TMOD3: variants seen among roughly 807,000 people sequenced by gnomAD.
The protein encoded by TMOD3 is tropomodulin 3, also known as tropomodulin-3.
A neutral mutation model predicts 39.2 loss-of-function variants in TMOD3; 20 were observed. The observed-to-expected ratio is 0.51, with a 90% CI of 0.36 to 0.74. The LOEUF (loss-of-function observed/expected upper bound fraction) is 0.74, where lower values mean the gene tolerates loss of function less well. Ranked by LOEUF, TMOD3 falls within the 30% of genes least tolerant of loss-of-function variation. The pLI, the probability that TMOD3 is intolerant of heterozygous loss-of-function variation, is 0.00. For synonymous variants in TMOD3, 143 were observed against 145.8 expected, an observed-to-expected ratio of 0.98 and a Z score of 0.14; for missense variants, 381 against 412.8, an observed-to-expected ratio of 0.92 and a Z score of 0.67.
At chr15:51,855,440 GA>G (rs1171936565) in intron 1 of TMOD3, among the ~76,000 whole-genome samples, 1 of 152,184 alleles carries the variant, frequency 6.6e-6, no homozygotes, top group African/African-American at 2.4e-5. Flanking sequence ...AGTTAAGAAG[GA>G]AAATAGTCTG....
chr15:51,902,072 T>C (rs2056653682), intron 9 of TMOD3, 36 bp downstream of exon 9: 2 of 1,607,822 alleles, frequency 1.2e-6, no homozygotes, highest in Non-Finnish European at 1.7e-6. Context: ...CTGAGTTCTA[T>C]CACAAGCTAA....
intron 6 of TMOD3, among the ~76,000 whole-genome samples, chr15:51,894,777 AGACAT>A (rs549557971): frequency 6.1e-4 from 93 of 152,298 alleles, no homozygotes; most frequent in African/African-American, 2.0e-3. Flanking sequence ...ATCAGTTGGA[AGACAT>A]ATGGGTTCCT....
chr15:51,844,007 A>G (rs1217125718), intron 1 of TMOD3, among the ~76,000 whole-genome samples: 1 of 151,936 alleles, frequency 6.6e-6, no homozygotes, highest in East Asian at 1.9e-4. Context: ...TGTGGCATGC[A>G]TAATTCTAAA....
At chr15:51,867,610 T>C (rs1431217718) in intron 2 of TMOD3, among the ~76,000 whole-genome samples, 2 of 152,242 alleles carry the variant, frequency 1.3e-5, no homozygotes, top group East Asian at 3.8e-4. Context: ...CTATTACTAT[T>C]GCCCATATAA....
intron 5 of TMOD3, among the ~76,000 whole-genome samples, chr15:51,893,099 C>A (rs923694057): frequency 1.3e-5 from 2 of 151,342 alleles, no homozygotes; most frequent in Non-Finnish European, 2.9e-5. Context: ...AGTTCAAGAC[C>A]AACCTGGCCA....
chr15:51,896,503 C>G lies in TMOD3; in HGVS notation c.712C>G (p.Arg238Gly). The G allele has an allele frequency of 1.2e-6, 2 of 1,613,670 alleles. No individual in the cohort carries two copies. The highest frequency in any genetic ancestry group is 1.7e-6 in the Non-Finnish European group (2 of 1,179,726). The change falls in exon 7 of 10, where the codon CGG becomes GGG. Residue 238 changes from arginine to glycine, a missense_variant. Arg to Gly is a moderately radical substitution (Grantham distance 125). Coordinates refer to ENST00000308580, the MANE Select transcript of TMOD3 (RefSeq NM_014547.5). ...GAAATGTTTCAGTCTTGCAGCCACC[C>G]GGAGCAATGACCCTGTTGCTACTGT... ...HVKCFSLAAT[R>G]SNDPVATAFA...
chr15:51,859,824 C>T (rs2056407837), intron 1 of TMOD3: 2 of 514,620 alleles, frequency 3.9e-6, no homozygotes, highest in East Asian at 5.1e-5. Flanking sequence ...GAGCTTTCCT[C>T]AGGAAGTTAT....
In TMOD3 at chr15:51,913,530, A is replaced by T. The variant is rs1027939505; in HGVS notation, c.*4720A>T. 3 of 152,180 alleles carry T rather than the reference A, an allele frequency of 2.0e-5. No individual in the cohort carries two copies. The highest frequency in any genetic ancestry group is 2.9e-5 in the Non-Finnish European group (2 of 68,030). 9.4% of individuals were successfully genotyped at this position (152,180 alleles called of 1,614,324 possible). On this transcript the variant is annotated 3_prime_UTR_variant, in exon 10 of 10. Coordinates refer to ENST00000308580, the MANE Select transcript of TMOD3 (RefSeq NM_014547.5). Reference sequence around the variant, plus strand: ...ACCTGTATTGATTTTTCTCCACTATAATTCAGTTCTATAAGTTCTTCCCTA... The same window carrying T: ...ACCTGTATTGATTTTTCTCCACTATTATTCAGTTCTATAAGTTCTTCCCTA...
At chr15:51,887,474 T>C in intron 3 of TMOD3, 115 bp from the exon 4 acceptor site, 3 of 1,094,400 alleles carry the variant, frequency 2.7e-6, no homozygotes, top group Non-Finnish European at 3.8e-6. Flanking sequence ...ACAAAATTAC[T>C]GTCGATGTTA....
At chr15:51,881,872 C>G (rs1595903964) in intron 3 of TMOD3, among the ~76,000 whole-genome samples, 1 of 151,718 alleles carries the variant, frequency 6.6e-6, no homozygotes, top group African/African-American at 2.4e-5. Flanking sequence ...TAGTTTAGCC[C>G]GTACATTTAG....
rs187092898 is a variant in TMOD3, at chr15:51,887,527, G to C, written c.284-62G>C. ...CAGTTGTACATGCTTTGGTTACAAGGATAAAATGGTAATGAGTTGATAGCA... is the reference window on the plus strand; with the variant it reads ...CAGTTGTACATGCTTTGGTTACAAGCATAAAATGGTAATGAGTTGATAGCA... On this transcript the variant is annotated intron_variant, in intron 3 of 9. Coordinates refer to ENST00000308580, the MANE Select transcript of TMOD3 (RefSeq NM_014547.5). The C allele has an allele frequency of 9.9e-4, 1,532 of 1,549,074 alleles. 18 individuals are homozygous for C. Among genetic ancestry groups the C allele is most frequent in the East Asian group, 8.1e-3 (357 of 43,852 alleles).
At chr15:51,886,926 T>G (rs1296087999) in intron 3 of TMOD3, among the ~76,000 whole-genome samples, 1 of 152,114 alleles carries the variant, frequency 6.6e-6, no homozygotes, top group Non-Finnish European at 1.5e-5. Flanking sequence ...TGCTTAATAA[T>G]AAGAAATTGG....
chr15:51,852,247 A>G (rs993146034), intron 1 of TMOD3, among the ~76,000 whole-genome samples: 1 of 152,146 alleles, frequency 6.6e-6, no homozygotes, highest in Non-Finnish European at 1.5e-5. Flanking sequence ...GAGATCAAAA[A>G]AATTCTCTGA....
chr15:51,855,156 T>C (rs1443840194), intron 1 of TMOD3, among the ~76,000 whole-genome samples: 1 of 152,242 alleles, frequency 6.6e-6, no homozygotes, highest in Non-Finnish European at 1.5e-5. Flanking sequence ...CGAAGACTTT[T>C]GAGTTAAACA....
chr15:51,870,879 T>A (rs1366243110), intron 3 of TMOD3, among the ~76,000 whole-genome samples: 1 of 152,196 alleles, frequency 6.6e-6, no homozygotes, highest in Non-Finnish European at 1.5e-5. Flanking sequence ...GAAGATTTAC[T>A]ATTCTTGTCC....
At position 51,886,014 on chromosome 15, in the gene TMOD3, T is replaced by A. The variant is rs535629037; in HGVS notation, c.284-1575T>A. Among the ~76,000 whole-genome samples the A allele has an allele frequency of 9.3e-4, 135 of 144,618 alleles. 5 individuals are homozygous for A. The South Asian group carries it at 0.029, about 31-fold the overall frequency. 94.9% of individuals were successfully genotyped at this position (144,618 alleles called of 152,430 possible). A position where few individuals can be genotyped will look rare whatever the true frequency, so the allele number is the denominator to read the frequency against. On this transcript the variant is annotated intron_variant, in intron 3 of 9. Coordinates refer to ENST00000308580, the MANE Select transcript of TMOD3 (RefSeq NM_014547.5). ...GCGGCTGGCCAGGCGGAGACGCTCC[T>A]CACTTCCCAGACGGGGTGGCTGCCG...
intron 1 of TMOD3, chr15:51,860,227 C>G: frequency 2.0e-6 from 1 of 497,460 alleles, no homozygotes. Flanking sequence ...ATTTGTAGAC[C>G]TTTGGCAAAG....
intron 3 of TMOD3, among the ~76,000 whole-genome samples, chr15:51,882,828 C>A (rs2056541764): frequency 2.0e-5 from 3 of 151,178 alleles, no homozygotes; most frequent in South Asian, 4.2e-4. Flanking sequence ...AAAAAAAAAA[C>A]AACTGAGATT....
In TMOD3 at chr15:51,869,244, C is replaced by A. The variant is rs777166537; in HGVS notation, c.154C>A (p.Gln52Lys). Residue 52 changes from glutamine to lysine, a missense_variant, in exon 3 of 10, where the codon CAG becomes AAG. Gln to Lys is a moderately conservative substitution (Grantham distance 53). Transcript: ENST00000308580. ...TGCCCTTCTGCCTGCAGGGTTCCGG[C>A]AGAAGAACCAGACATCAAAGTCCAC... ...ENALLPAGFR[Q>K]KNQTSKSTTG... 1.4e-5 allele frequency: 23 copies of A among 1,613,836 alleles called. No homozygotes were observed. The highest frequency in any genetic ancestry group is 3.3e-4 in the Middle Eastern group (2 of 6,062).
Sources: gnomAD v4.1 joint callset for allele counts (sites outside exome capture counted in the v4.1 genomes callset) on GRCh38, gnomAD v4.1.1 for gene constraint, MANE v1.5 for transcripts, NCBI Gene and HGNC (gene_info 2026-07-23, HGNC 2026-07-21) for gene names.